NMU: variants seen among roughly 807,000 people sequenced by gnomAD.
NMU encodes the protein neuromedin-U.
NMU carries 29 observed loss-of-function variants against 35.4 expected under a neutral mutation model. That is an observed-to-expected ratio of 0.82 (90% CI 0.61 to 1.12). The LOEUF is 1.12. NMU is among the 50% of genes most tolerant of loss of function. NMU has a pLI of 0.00. For missense variants in NMU, 199 were observed against 206.2 expected (o/e 0.97, Z 0.21); for synonymous variants, 78 against 81.3 (o/e 0.96, Z 0.22).
intron 4 of NMU, among the ~76,000 whole-genome samples, 180 bp from the exon 5 acceptor site, chr4:55,607,646 T>C (rs76468078): frequency 1.3e-5 from 2 of 152,220 alleles, no homozygotes; most frequent in East Asian, 1.9e-4. Context: ...GGGAAATTAA[T>C]TGAATATTGT....
chr4:55,609,479 A>G (rs1019122217), intron 3 of NMU, among the ~76,000 whole-genome samples: 4 of 152,210 alleles, frequency 2.6e-5, no homozygotes, highest in Middle Eastern at 3.2e-3. Flanking sequence ...AAATATTATG[A>G]AATTCTATGA....
At chr4:55,595,994 T>C (rs943997793) in intron 9 of NMU, among the ~76,000 whole-genome samples, 2 of 152,182 alleles carry the variant, frequency 1.3e-5, no homozygotes, top group African/African-American at 4.8e-5. Flanking sequence ...GGAACACTTA[T>C]TCTGTATGTC....
chr4:55,619,763 C>T (rs1349543844), intron 2 of NMU, among the ~76,000 whole-genome samples: 211 of 146,180 alleles, frequency 1.4e-3, no homozygotes, highest in African/African-American at 5.1e-3. Flanking sequence ...TTAAGTGTCC[C>T]TGTCTGACAG....
chr4:55,602,092 CCAAATA>C (rs1168709168), intron 7 of NMU, among the ~76,000 whole-genome samples: 2 of 151,980 alleles, frequency 1.3e-5, no homozygotes, highest in African/African-American at 4.8e-5. Flanking sequence ...TTTAAATGTG[CCAAATA>C]CAAACTTCCA....
At chr4:55,603,862 AGATCACGCCACT>A (rs762766983) in intron 7 of NMU, among the ~76,000 whole-genome samples, 28 of 145,098 alleles carry the variant, frequency 1.9e-4, no homozygotes, top group Admixed American at 3.5e-4. Flanking sequence ...CAGTGAGCCG[AGATCACGCCACT>A]GCACTCCAGT....
At chr4:55,610,720 T>C (rs1303197445) in intron 3 of NMU, among the ~76,000 whole-genome samples, 1 of 152,176 alleles carries the variant, frequency 6.6e-6, no homozygotes, top group African/African-American at 2.4e-5. Flanking sequence ...AGTGTTTCAA[T>C]AAATTATAAA....
At chr4:55,618,620 CTCTT>C (rs1259495024) in intron 2 of NMU, among the ~76,000 whole-genome samples, 1 of 150,708 alleles carries the variant, frequency 6.6e-6, no homozygotes, top group Admixed American at 6.6e-5. Context: ...TTTCTCTCTC[CTCTT>C]TCTTCTTTCT....
intron 2 of NMU, among the ~76,000 whole-genome samples, chr4:55,626,836 T>G (rs1379565856): frequency 6.6e-6 from 1 of 152,262 alleles, no homozygotes; most frequent in East Asian, 1.9e-4. Context: ...CCTTACGATT[T>G]ATATTTGAAG....
Position 55,602,157 on chromosome 4 carries a change from T to G in NMU, c.436-1582A>C, listed in dbSNP as rs1029444341. ...TCTTTTTAGAGTTTTATCATTAGCA[T>G]AGAGCATCATATAAAATAATTTGGG... On this transcript the variant is annotated intron_variant, in intron 7 of 9. Coordinates refer to ENST00000264218, the MANE Select transcript of NMU (RefSeq NM_006681.4). Among the ~76,000 whole-genome samples the G allele has an allele frequency of 3.3e-5, 5 of 152,164 alleles. 1 individual carries two copies. The highest frequency in any genetic ancestry group is 3.3e-4 in the Admixed American group (5 of 15,268).
chr4:55,609,063 T>C lies in NMU; in HGVS notation c.279+57A>G, dbSNP rs1181838949. On this transcript the variant is annotated intron_variant, in intron 4 of 9. Transcript: ENST00000264218. ...TGGGCATATTTTCTTCCAGGAGAAA[T>C]TCCAAGAAATTTTTGGATAATTTTT... 1.0e-5 allele frequency: 15 copies of C among 1,437,832 alleles called. 1 individual carries two copies. In the East Asian group the frequency reaches 3.4e-4, roughly 33 times the overall value. 89.1% of individuals were successfully genotyped at this position (1,437,832 alleles called of 1,614,324 possible).
At chr4:55,621,979 A>G (rs1385683711) in intron 2 of NMU, among the ~76,000 whole-genome samples, 1 of 95,944 alleles carries the variant, frequency 1.0e-5, no homozygotes, top group East Asian at 3.1e-4. Context: ...GAGAACAAAG[A>G]CACAACATAC....
chr4:55,618,626 C>A lies in NMU; in HGVS notation c.172-2241G>T, dbSNP rs1485223620. 2.0e-5 allele frequency among the ~76,000 whole-genome samples: 3 copies of A among 150,050 alleles called. No homozygotes were observed. The East Asian group carries it at 5.9e-4, about 29-fold the overall frequency. On this transcript the variant is annotated intron_variant, in intron 2 of 9. Transcript: ENST00000264218. The stretch of plus-strand genomic sequence containing the variant: ...TCTCCTTCTTTTCTCTCTCCTCTTT[C>A]TTCTTTCTTTTCTTCTCTCTTTCTT...
chr4:55,615,941 G>T (rs187849481), intron 3 of NMU, among the ~76,000 whole-genome samples: 1 of 152,078 alleles, frequency 6.6e-6, no homozygotes, highest in African/African-American at 2.4e-5. Flanking sequence ...TGGAGACGGG[G>T]TCTTGCTATG....
chr4:55,597,508 A>T (rs1733236205), intron 9 of NMU, among the ~76,000 whole-genome samples: 1 of 151,964 alleles, frequency 6.6e-6, no homozygotes, highest in Admixed American at 6.6e-5. Flanking sequence ...AGCTGGGATT[A>T]CAGGCATGCA....
intron 4 of NMU, among the ~76,000 whole-genome samples, chr4:55,608,290 A>T (rs1733785904): frequency 6.6e-6 from 1 of 151,582 alleles, no homozygotes; most frequent in East Asian, 1.9e-4. Flanking sequence ...CATTTCTTTT[A>T]TCTTAATTAG....
chr4:55,634,423 A>G (rs979146363), intron 1 of NMU, among the ~76,000 whole-genome samples: 9 of 152,298 alleles, frequency 5.9e-5, no homozygotes, highest in Admixed American at 5.2e-4. Flanking sequence ...TTATGAGACG[A>G]TTGGTATGTC....
In NMU at chr4:55,625,143, A is replaced by G. The variant is rs939918482; in HGVS notation, c.171+5259T>C. Among the ~76,000 whole-genome samples, 88 of 124,212 alleles carry G rather than the reference A, an allele frequency of 7.1e-4. 1 individual carries two copies. Among genetic ancestry groups the G allele is most frequent in the Admixed American group, 9.1e-5 (1 of 11,008 alleles). The allele number at this position is 124,212 out of a possible 152,430, so 81.5% of individuals were successfully genotyped here. ...TGTAACTAACCTGCACAAAGTGCAC[A>G]TGTACCCTAAAACTTAAAGTATAAT... On this transcript the variant is annotated intron_variant, in intron 2 of 9. Transcript: ENST00000264218.
chr4:55,628,943 T>A (rs1734650393), intron 2 of NMU, among the ~76,000 whole-genome samples: 1 of 152,242 alleles, frequency 6.6e-6, no homozygotes, highest in African/African-American at 2.4e-5. Context: ...GCTACTGTTT[T>A]AGCTATAGCT....
chr4:55,633,097 G>A (rs1715700641), intron 1 of NMU, among the ~76,000 whole-genome samples: 1 of 151,874 alleles, frequency 6.6e-6, no homozygotes, highest in Admixed American at 6.6e-5. Context: ...GGCCAAGGCG[G>A]GCATATCACC....
Sources: gnomAD v4.1 joint callset for allele counts (sites outside exome capture counted in the v4.1 genomes callset) on GRCh38, gnomAD v4.1.1 for gene constraint, MANE v1.5 for transcripts, NCBI Gene and HGNC (gene_info 2026-07-23, HGNC 2026-07-21) for gene names.